KCNB2: variants seen among roughly 807,000 people sequenced by gnomAD.
KCNB2 encodes the protein potassium voltage-gated channel subfamily B member 2.
In KCNB2, 15 loss-of-function variants were observed where a neutral mutation model predicts 61.5. The ratio of observed to expected loss-of-function variants is 0.24; its 90% CI spans 0.16 to 0.38. The LOEUF (loss-of-function observed/expected upper bound fraction) is 0.38. Ranked by LOEUF, KCNB2 falls within the 10% of genes least tolerant of loss-of-function variation. The pLI is 1.00. For synonymous variants in KCNB2, 457 were observed against 446.0 expected (o/e 1.02, Z -0.31); for missense variants, 828 against 1,125.2 (o/e 0.74, Z 3.78).
At position 72,585,164 on chromosome 8, in the gene KCNB2, G is replaced by GT. The variant is rs796348087; in HGVS notation, c.579+16860dup. 3.9e-3 allele frequency among the ~76,000 whole-genome samples: 590 copies of GT among 151,636 alleles called. 5 individuals are homozygous for GT. The highest frequency in any genetic ancestry group is 0.01 in the African/African-American group (420 of 41,378). On this transcript the variant is annotated intron_variant, in intron 2 of 2. Transcript: ENST00000523207. ...GCAAATAGGGAGCACTAAATAAGGG[G>GT]TTTTTTTTTGTTGTTATTGTTAGTT...
At chr8:72,630,683 C>A (rs919232521) in intron 2 of KCNB2, among the ~76,000 whole-genome samples, 6 of 152,156 alleles carry the variant, frequency 3.9e-5, no homozygotes, top group Admixed American at 2.6e-4. Flanking sequence ...TTTAGCATAA[C>A]AAACAGACTA....
rs537491756 is a variant in KCNB2, at chr8:72,620,803, T to C, written c.579+52490T>C. On this transcript the variant is annotated intron_variant, in intron 2 of 2. Coordinates refer to ENST00000523207, the MANE Select transcript of KCNB2 (RefSeq NM_004770.3). The stretch of plus-strand genomic sequence containing the variant: ...TCGTGTTTTTAGTAGAGACGGGGTT[T>C]CACCACGTTGGCCAGGCTGGTCTCA... 5.3e-5 allele frequency among the ~76,000 whole-genome samples: 8 copies of C among 152,204 alleles called. No individual in the cohort carries two copies. In the South Asian group the frequency reaches 1.7e-3, roughly 32 times the overall value.
intron 2 of KCNB2, among the ~76,000 whole-genome samples, chr8:72,775,632 C>T (rs948690152): frequency 1.3e-5 from 2 of 151,892 alleles, no homozygotes; most frequent in Non-Finnish European, 2.9e-5. Flanking sequence ...AGCCTTGGAG[C>T]AACAGCAGAG....
At chr8:72,639,763 C>T (rs74508261) in intron 2 of KCNB2, among the ~76,000 whole-genome samples, 1,639 of 152,098 alleles carry the variant, frequency 0.011, 20 homozygotes, top group South Asian at 0.038. Flanking sequence ...CAGTGAAACA[C>T]GATTTCAAGG....
At chr8:72,538,154 C>T (rs939639813) in intron 1 of KCNB2, among the ~76,000 whole-genome samples, 4 of 152,140 alleles carry the variant, frequency 2.6e-5, no homozygotes, top group African/African-American at 4.8e-5. Context: ...AGGAGCCGAG[C>T]TCTTGTTGCC....
chr8:72,667,007 G>GTGTGAGAGAC (rs34177826), intron 2 of KCNB2, among the ~76,000 whole-genome samples: 1 of 83,842 alleles, frequency 1.2e-5, no homozygotes, highest in Admixed American at 1.0e-4. Context: ...GTGTGTGTGT[G>GTGTGAGAGAC]AGAGAGAGAG....
At chr8:72,663,596 C>A (rs1251814964) in intron 2 of KCNB2, among the ~76,000 whole-genome samples, 1 of 152,124 alleles carries the variant, frequency 6.6e-6, no homozygotes, top group African/African-American at 2.4e-5. Context: ...GTATAACACT[C>A]ATTTCCAAGA....
intron 2 of KCNB2, among the ~76,000 whole-genome samples, chr8:72,593,586 A>G (rs1442406818): frequency 1.3e-5 from 2 of 152,188 alleles, no homozygotes; most frequent in Non-Finnish European, 2.9e-5. Flanking sequence ...TTTAGAACTG[A>G]TGTGAGATCC....
intron 2 of KCNB2, among the ~76,000 whole-genome samples, chr8:72,715,158 A>G (rs1807407398): frequency 6.6e-6 from 1 of 152,228 alleles, no homozygotes; most frequent in Non-Finnish European, 1.5e-5. Flanking sequence ...CAGATTCGTA[A>G]AGCAAGTCCT....
At chr8:72,573,572 G>A (rs1475548766) in intron 2 of KCNB2, among the ~76,000 whole-genome samples, 4 of 152,004 alleles carry the variant, frequency 2.6e-5, no homozygotes, top group Admixed American at 6.6e-5. Flanking sequence ...AGGCCCCTCT[G>A]TGTGCCGTGC....
intron 1 of KCNB2, among the ~76,000 whole-genome samples, chr8:72,547,142 G>A (rs1806271400): frequency 1.3e-5 from 2 of 152,176 alleles, no homozygotes; most frequent in Non-Finnish European, 2.9e-5. Flanking sequence ...TTACAGCATG[G>A]TTTACTGATA....
At chr8:72,576,586 C>T (rs1806796903) in intron 2 of KCNB2, among the ~76,000 whole-genome samples, 1 of 152,166 alleles carries the variant, frequency 6.6e-6, no homozygotes, top group Non-Finnish European at 1.5e-5. Flanking sequence ...CATTAAAATC[C>T]TTTCTCCCTC....
chr8:72,826,123 T>C (rs774260109), intron 2 of KCNB2, among the ~76,000 whole-genome samples: 6 of 152,228 alleles, frequency 3.9e-5, no homozygotes, highest in Non-Finnish European at 7.3e-5. Context: ...CTGTGGATCC[T>C]AGCATCATGG....
chr8:72,654,680 A>C (rs1806262697), intron 2 of KCNB2, among the ~76,000 whole-genome samples: 1 of 152,194 alleles, frequency 6.6e-6, no homozygotes, highest in African/African-American at 2.4e-5. Flanking sequence ...TTTACTAAAG[A>C]AATGTGAAGT....
At chr8:72,801,014 G>A (rs1045704910) in intron 2 of KCNB2, among the ~76,000 whole-genome samples, 2 of 152,136 alleles carry the variant, frequency 1.3e-5, no homozygotes, top group Non-Finnish European at 2.9e-5. Flanking sequence ...TGTATGAGAT[G>A]GTTCACTAGC....
chr8:72,786,100 G>T (rs1355550410), intron 2 of KCNB2, among the ~76,000 whole-genome samples: 1 of 149,194 alleles, frequency 6.7e-6, no homozygotes, highest in Non-Finnish European at 1.5e-5. Context: ...TTCACATTTA[G>T]TATGCTCACT....
intron 2 of KCNB2, among the ~76,000 whole-genome samples, chr8:72,902,977 C>A (rs930451388): frequency 2.6e-5 from 4 of 152,180 alleles, no homozygotes; most frequent in African/African-American, 9.7e-5. Flanking sequence ...ACTGATTTAT[C>A]TTCAGAAATA....
chr8:72,630,951 C>T (rs962533594), intron 2 of KCNB2, among the ~76,000 whole-genome samples: 1 of 152,096 alleles, frequency 6.6e-6, no homozygotes, highest in African/African-American at 2.4e-5. Context: ...ACGTTCCAAG[C>T]CCCCCATGGA....
At chr8:72,546,376 G>C (rs1394559525) in intron 1 of KCNB2, among the ~76,000 whole-genome samples, 1 of 152,070 alleles carries the variant, frequency 6.6e-6, no homozygotes, top group African/African-American at 2.4e-5. Context: ...AAATTAGCCA[G>C]GCATGGTGGC....
Sources: allele counts gnomAD v4.1 joint callset (sites outside exome capture counted in the v4.1 genomes callset), GRCh38; gene constraint gnomAD v4.1.1; transcripts MANE v1.5; gene names NCBI Gene and HGNC (gene_info 2026-07-23, HGNC 2026-07-21).